Variants in PIH1D2 observed in about 807,000 individuals in gnomAD.
PIH1D2 encodes PIH1 domain containing 2.
In PIH1D2, 25 loss-of-function variants were observed where a neutral mutation model predicts 31.2. The ratio of observed to expected loss-of-function variants is 0.80; its 90% CI spans 0.58 to 1.12. The LOEUF is 1.12. Among genes scored for constraint, PIH1D2 ranks in the 50% most tolerant of loss-of-function variants. The pLI, the probability that PIH1D2 is intolerant of heterozygous loss-of-function variation, is 0.00. For missense variants in PIH1D2, 310 were observed against 356.6 expected, an observed-to-expected ratio of 0.87 and a Z score of 1.05; for synonymous variants, 116 against 119.9, an observed-to-expected ratio of 0.97 and a Z score of 0.21.
the PIH1D2 span, among the ~76,000 whole-genome samples, chr11:112,058,085 A>T: frequency 6.6e-6 from 1 of 152,196 alleles, no homozygotes; most frequent in South Asian, 2.1e-4. Context: ...TTCTATACTT[A>T]GATGAAGAAA....
chr11:112,057,299 C>CT, the PIH1D2 span, among the ~76,000 whole-genome samples: 2 of 152,190 alleles, frequency 1.3e-5, no homozygotes, highest in African/African-American at 2.4e-5. Flanking sequence ...ACAATGGCCT[C>CT]TGAGTGTTTC....
downstream of PIH1D2, among the ~76,000 whole-genome samples, chr11:112,060,459 G>A (rs587625237): frequency 2.8e-3 from 417 of 151,246 alleles, 2 homozygotes; most frequent in African/African-American, 9.5e-3. Flanking sequence ...CACGCCCAGC[G>A]TAATTCTTTT....
downstream of PIH1D2, chr11:112,062,364 A>G (rs10891315): frequency 0.36 from 586,145 of 1,607,900 alleles, 110,558 homozygotes; most frequent in East Asian, 0.57. Flanking sequence ...GAAATGCAGT[A>G]TTTTCTTTCA....
downstream of PIH1D2, chr11:112,061,349 C>T (rs1864611093): frequency 1.5e-6 from 1 of 659,862 alleles, no homozygotes; most frequent in Non-Finnish European, 2.6e-6. Flanking sequence ...ACACATTATT[C>T]TGTATACTTT....
chr11:112,052,882 A>G, the PIH1D2 span, among the ~76,000 whole-genome samples: 1 of 152,198 alleles, frequency 6.6e-6, no homozygotes, highest in African/African-American at 2.4e-5. Flanking sequence ...CACCCTAAGT[A>G]TCCGTCATGG....
chr11:112,068,060 T>C (rs1369721623), intron 5 of PIH1D2, 55 bp from the exon 6 acceptor site: 1 of 1,243,548 alleles, frequency 8.0e-7, no homozygotes, highest in Non-Finnish European at 1.1e-6. Flanking sequence ...GGATACTAAC[T>C]TATTGTTCCC....
intron 4 of PIH1D2, 37 bp from the exon 5 acceptor site, chr11:112,070,738 A>T (rs782036321): frequency 6.3e-7 from 1 of 1,588,094 alleles, no homozygotes. Context: ...GATAAAAAAT[A>T]AATCTACAAC....
chr11:112,068,979 TTTG>T (rs1465874782), intron 5 of PIH1D2, among the ~76,000 whole-genome samples: 4,751 of 139,044 alleles, frequency 0.034, 246 homozygotes, highest in African/African-American at 0.15. Flanking sequence ...CTGAATTTTT[TTTG>T]TTTTTTTTTT....
chr11:112,055,262 GA>G, the PIH1D2 span, among the ~76,000 whole-genome samples: 3 of 11,706 alleles, frequency 2.6e-4, no homozygotes, highest in African/African-American at 4.4e-4. Context: ...TTTTTTTTTT[GA>G]GATGGAGTCC....
At position 112,067,899 on chromosome 11, in the gene PIH1D2, G is replaced by A. The variant is rs782681479; in HGVS notation, c.920C>T (p.Thr307Met). ...CACCAAAGGCATTGTGATGATTAGC[G>A]TGGATTTTTCTTTGATAAATTTTGC... ...TTAKFIKEKSTLIITMPLV is the reference protein window; with the variant it reads ...TTAKFIKEKSMLIITMPLV The change falls in exon 6 of 6, where the codon ACG becomes ATG. Residue 307 changes from threonine (T) to methionine (M), a missense_variant. Thr to Met is a moderately conservative substitution (Grantham distance 81). Transcript: ENST00000280350. The A allele has an allele frequency of 8.1e-6, 13 of 1,611,662 alleles. No individual in the cohort carries two copies. The highest frequency in any genetic ancestry group is 5.4e-5 in the African/African-American group (4 of 74,562).
At chr11:112,066,175 G>C (rs1864919344), downstream of PIH1D2, among the ~76,000 whole-genome samples, 1 of 151,956 alleles carries the variant, frequency 6.6e-6, no homozygotes, top group South Asian at 2.1e-4. Flanking sequence ...GATAATTAAG[G>C]GATGTTTAAA....
At chr11:112,053,183 G>A in the PIH1D2 span, among the ~76,000 whole-genome samples, 2 of 152,050 alleles carry the variant, frequency 1.3e-5, no homozygotes, top group Non-Finnish European at 2.9e-5. Flanking sequence ...TTAGCTGAGC[G>A]TGGTGGTGCA....
At chr11:112,063,186 CTAAATA>C (rs1864742363), downstream of PIH1D2, 1 of 152,200 alleles carries the variant, frequency 6.6e-6, no homozygotes, top group African/African-American at 2.4e-5. Context: ...TTGAGATAAT[CTAAATA>C]TAAACCAGCT....
At chr11:112,064,240 C>T, downstream of PIH1D2, 1 of 1,543,294 alleles carries the variant, frequency 6.5e-7, no homozygotes, top group South Asian at 1.2e-5. Flanking sequence ...AAAATAAAAA[C>T]AGTTGCCTTC....
downstream of PIH1D2, among the ~76,000 whole-genome samples, chr11:112,060,459 G>GT (rs587665898): frequency 2.0e-3 from 298 of 151,244 alleles, no homozygotes; most frequent in Non-Finnish European, 2.6e-3. Context: ...CACGCCCAGC[G>GT]TAATTCTTTT....
chr11:112,055,844 G>A, the PIH1D2 span, among the ~76,000 whole-genome samples: 1 of 87,260 alleles, frequency 1.1e-5, no homozygotes, highest in African/African-American at 4.3e-5. Context: ...CCAGCATATA[G>A]ACACTTTTTT....
downstream of PIH1D2, among the ~76,000 whole-genome samples, chr11:112,066,633 G>C (rs1270282582): frequency 3.3e-4 from 22 of 67,000 alleles, no homozygotes; most frequent in Admixed American, 2.7e-3. Flanking sequence ...GCAAGATTCC[G>C]TCTCAAAAAA....
At chr11:112,060,158 ATTTTTTTTT>A (rs782188808), downstream of PIH1D2, 16 of 568,676 alleles carry the variant, frequency 2.8e-5, no homozygotes, top group Admixed American at 3.7e-5. Flanking sequence ...CTGTCACGTA[ATTTTTTTTT>A]TTTTTTTTTT....
chr11:112,061,724 A>T (rs587624661), downstream of PIH1D2, among the ~76,000 whole-genome samples: 1 of 152,268 alleles, frequency 6.6e-6, no homozygotes, highest in South Asian at 2.1e-4. Context: ...AGCTGGGATT[A>T]CAGGCATGTA....
Sources: gnomAD v4.1 joint callset for allele counts (sites outside exome capture counted in the v4.1 genomes callset) on GRCh38, gnomAD v4.1.1 for gene constraint, MANE v1.5 for transcripts, NCBI Gene and HGNC (gene_info 2026-07-23, HGNC 2026-07-21) for gene names.